The following PPM1E variants were observed in gnomAD, a reference collection of about 807,000 sequenced individuals.
PPM1E encodes the protein protein phosphatase, Mg2+/Mn2+ dependent 1E, also known as protein phosphatase 1E.
Under a neutral mutation model 65.9 loss-of-function variants are expected in PPM1E, and 20 were observed. The ratio of observed to expected loss-of-function variants is 0.30; its 90% CI spans 0.21 to 0.44. PPM1E has a LOEUF of 0.44. Ranked by LOEUF, PPM1E falls within the 20% of genes least tolerant of loss-of-function variation. PPM1E has a pLI of 1.00. For missense variants in PPM1E, 713 were observed against 953.1 expected (o/e 0.75, Z 3.32); for synonymous variants, 352 against 374.9 (o/e 0.94, Z 0.70).
At chr17:58,881,997 A>C (rs1458639207) in intron 1 of PPM1E, among the ~76,000 whole-genome samples, 8 of 21,870 alleles carry the variant, frequency 3.7e-4, no homozygotes, top group African/African-American at 1.3e-3. Flanking sequence ...CTGTCTCTAC[A>C]AAAAAAAAAA....
At chr17:58,853,430 G>A (rs2050849310) in intron 1 of PPM1E, among the ~76,000 whole-genome samples, 1 of 152,266 alleles carries the variant, frequency 6.6e-6, no homozygotes, top group African/African-American at 2.4e-5. Flanking sequence ...ATGCAAGGAT[G>A]CATTTCTGGA....
At chr17:58,777,824 A>G (rs980212655) in intron 1 of PPM1E, among the ~76,000 whole-genome samples, 1 of 152,260 alleles carries the variant, frequency 6.6e-6, no homozygotes, top group African/African-American at 2.4e-5. Context: ...TACCTAGGAT[A>G]CTGAATGCTT....
chr17:58,869,155 G>A (rs1280859484), intron 1 of PPM1E, among the ~76,000 whole-genome samples: 1 of 152,216 alleles, frequency 6.6e-6, no homozygotes, highest in Non-Finnish European at 1.5e-5. Context: ...GGGTGACAGA[G>A]TGGGACTCCG....
intron 1 of PPM1E, among the ~76,000 whole-genome samples, chr17:58,760,196 G>A (rs914683011): frequency 1.3e-5 from 2 of 152,054 alleles, no homozygotes; most frequent in African/African-American, 2.4e-5. Context: ...TTTGTCCCTA[G>A]TCAATATCAA....
Position 58,782,613 on chromosome 17 carries a change from A to G in PPM1E, c.464+26152A>G, listed in dbSNP as rs1258120696. Among the ~76,000 whole-genome samples the G allele has an allele frequency of 2.0e-5, 3 of 151,662 alleles. No individual in the cohort carries two copies. The East Asian group carries it at 5.8e-4, about 29-fold the overall frequency. ...TTTTAATAGAGACGGGGTTTCACCA[A>G]GTTGATCAGGCTGGTCTTGAACACC... is the stretch of plus-strand genomic sequence containing the variant. On this transcript the variant is annotated intron_variant, in intron 1 of 6. Coordinates refer to ENST00000308249, the MANE Select transcript of PPM1E (RefSeq NM_014906.5).
chr17:58,821,235 T>C (rs1006553338), intron 1 of PPM1E, among the ~76,000 whole-genome samples: 1 of 151,990 alleles, frequency 6.6e-6, no homozygotes, highest in African/African-American at 2.4e-5. Context: ...CTCAGCCTCC[T>C]GAGTAGCTGG....
Position 58,980,139 on chromosome 17 carries a change from G to A in PPM1E, c.1376G>A (p.Gly459Glu). Residue 459 changes from glycine to glutamate, a missense_variant, in exon 7 of 7, where the codon GGA becomes GAA. Coordinates refer to ENST00000308249, the MANE Select transcript of PPM1E (RefSeq NM_014906.5). The surrounding 1 kb of genome is among the most constrained non-coding windows in gnomAD (Gnocchi z 4.7). ...TCCGACCACCTGAAAGAGAATAATG[G>A]AGACAGCAGCATGGTTGCCCACAAA... ...VVSDHLKENN[G>E]DSSMVAHKLV... 1 of 1,614,134 alleles carries A rather than the reference G, an allele frequency of 6.2e-7. No individual in the cohort carries two copies. The highest frequency in any genetic ancestry group is 8.5e-7 in the Non-Finnish European group (1 of 1,180,014).
chr17:58,807,185 G>A (rs1416879783), intron 1 of PPM1E, among the ~76,000 whole-genome samples: 12 of 152,034 alleles, frequency 7.9e-5, no homozygotes, highest in African/African-American at 2.7e-4. Context: ...TTACTTTTGT[G>A]CATATTTGAT....
intron 1 of PPM1E, among the ~76,000 whole-genome samples, chr17:58,847,485 A>C (rs2050783561): frequency 6.6e-6 from 1 of 152,220 alleles, no homozygotes; most frequent in Non-Finnish European, 1.5e-5. Flanking sequence ...AGCTTTCTAC[A>C]TATGGCTAGC....
intron 1 of PPM1E, among the ~76,000 whole-genome samples, chr17:58,841,875 T>C (rs760667695): frequency 1.3e-4 from 20 of 152,052 alleles, no homozygotes; most frequent in Non-Finnish European, 2.2e-4. Flanking sequence ...GCCTGGCTAA[T>C]TTTTGTATTT....
chr17:58,784,793 G>A (rs1215670397), intron 1 of PPM1E, among the ~76,000 whole-genome samples: 4 of 152,158 alleles, frequency 2.6e-5, no homozygotes, highest in Admixed American at 1.3e-4. Context: ...AAAGTGCTGG[G>A]ATTACAGGCA....
chr17:58,769,730 T>C (rs2049917442), intron 1 of PPM1E, among the ~76,000 whole-genome samples: 1 of 152,048 alleles, frequency 6.6e-6, no homozygotes, highest in Admixed American at 6.6e-5. Context: ...ATATGGGTCA[T>C]ATAAGCAGTG....
At chr17:58,899,698 T>A in intron 1 of PPM1E, 1 of 199,958 alleles carries the variant, frequency 5.0e-6, no homozygotes, top group Admixed American at 4.6e-5. Flanking sequence ...AATGAACCAA[T>A]AAAACTACAG....
rs191634163 is a variant in PPM1E, at chr17:58,802,541, A to G, written c.464+46080A>G. Among the ~76,000 whole-genome samples, 294 of 152,250 alleles carry G rather than the reference A, an allele frequency of 1.9e-3. 2 individuals are homozygous for G. The highest frequency in any genetic ancestry group is 6.8e-3 in the African/African-American group (282 of 41,562). ...ATCTTTTGTTGTACTATTAATATACAAATGTTAGGGGTTTTTTTTCTATTT... is the reference window on the plus strand; with the variant it reads ...ATCTTTTGTTGTACTATTAATATACGAATGTTAGGGGTTTTTTTTCTATTT... On this transcript the variant is annotated intron_variant, in intron 1 of 6. Transcript: ENST00000308249.
chr17:58,967,531 G>C (rs1486615963), intron 3 of PPM1E, among the ~76,000 whole-genome samples: 1 of 151,416 alleles, frequency 6.6e-6, no homozygotes. Context: ...GAGAGAGAGA[G>C]AGAGAGAGAG....
chr17:58,881,532 G>A (rs1439150137), intron 1 of PPM1E, among the ~76,000 whole-genome samples: 1 of 151,896 alleles, frequency 6.6e-6, no homozygotes, highest in East Asian at 1.9e-4. Context: ...GTGTGGTGGC[G>A]AGTGCCTGTA....
intron 1 of PPM1E, among the ~76,000 whole-genome samples, chr17:58,902,828 T>C (rs886665917): frequency 6.6e-6 from 1 of 152,184 alleles, no homozygotes; most frequent in Non-Finnish European, 1.5e-5. Flanking sequence ...TATTAAAGTA[T>C]ATTAGAAATG....
chr17:58,901,423 C>A (rs762494096), intron 1 of PPM1E, among the ~76,000 whole-genome samples: 7 of 152,106 alleles, frequency 4.6e-5, no homozygotes, highest in Non-Finnish European at 1.0e-4. Flanking sequence ...CCTGTAATCC[C>A]AGCACTTTTG....
rs143381937 is a variant in PPM1E at position 58,865,501 on chromosome 17, A to G, written c.465-90148A>G. 1.0e-3 allele frequency among the ~76,000 whole-genome samples: 156 copies of G among 152,326 alleles called. 1 individual carries two copies. Among genetic ancestry groups the G allele is most frequent in the Middle Eastern group, 3.4e-3 (1 of 294 alleles). ...TGAGGCGGGAAGATCATTTGAGCCC[A>G]GAGTTTCAGACCAGCCTGGGCAACA... On this transcript the variant is annotated intron_variant, in intron 1 of 6. Coordinates refer to ENST00000308249, the MANE Select transcript of PPM1E (RefSeq NM_014906.5).
Sources: gnomAD v4.1 joint callset for allele counts (sites outside exome capture counted in the v4.1 genomes callset) on GRCh38, gnomAD v4.1.1 for gene constraint, Gnocchi (gnomAD v3.1) non-coding constraint, MANE v1.5 for transcripts, NCBI Gene and HGNC (gene_info 2026-07-23, HGNC 2026-07-21) for gene names.